Variants in CTNNA2 observed in about 807,000 individuals in gnomAD.
The protein encoded by CTNNA2 is catenin alpha-2.
Under a neutral mutation model 101.0 loss-of-function variants are expected in CTNNA2, and 42 were observed. The ratio of observed to expected loss-of-function variants is 0.42; its 90% CI spans 0.32 to 0.54. The LOEUF is 0.54. Ranked by LOEUF, CTNNA2 falls within the 20% of genes least tolerant of loss-of-function variation. The probability of loss-of-function intolerance (pLI) is 0.14; values close to 1 mark genes in which losing one functional copy is unlikely to be tolerated. For missense variants in CTNNA2, 871 were observed against 1,223.1 expected, an observed-to-expected ratio of 0.71 and a Z score of 4.29; for synonymous variants, 450 against 456.4, an observed-to-expected ratio of 0.99 and a Z score of 0.18.
At chr2:79,771,804 C>A (rs2105147563) in intron 3 of CTNNA2, among the ~76,000 whole-genome samples, 1 of 152,278 alleles carries the variant, frequency 6.6e-6, no homozygotes, top group South Asian at 2.1e-4. Context: ...GGGGGTTGGG[C>A]ACCCTTGTTC....
At chr2:79,328,590 C>CATG in intron 3 of CTNNA2, among the ~76,000 whole-genome samples, 1 of 152,102 alleles carries the variant, frequency 6.6e-6, no homozygotes, top group East Asian at 1.9e-4. Flanking sequence ...TGATGTTGAT[C>CATG]ATGATGATGA....
intron 7 of CTNNA2, among the ~76,000 whole-genome samples, chr2:80,028,973 C>T (rs1283501511): frequency 6.6e-6 from 1 of 152,160 alleles, no homozygotes; most frequent in African/African-American, 2.4e-5. Flanking sequence ...TTGTAAGCTA[C>T]CAAATTTTAG....
chr2:79,437,437 C>T (rs1004838575), intron 4 of CTNNA2, among the ~76,000 whole-genome samples: 3 of 152,122 alleles, frequency 2.0e-5, no homozygotes, highest in African/African-American at 2.4e-5. Context: ...TGCTGGCCCA[C>T]GCACCACATT....
At chr2:80,017,312 G>A (rs891394322) in intron 7 of CTNNA2, among the ~76,000 whole-genome samples, 37 of 151,994 alleles carry the variant, frequency 2.4e-4, no homozygotes, top group African/African-American at 8.7e-4. Flanking sequence ...ATGAAAGGAT[G>A]GATGAGTGTG....
intron 7 of CTNNA2, among the ~76,000 whole-genome samples, chr2:80,327,068 A>G (rs759607898): frequency 8.6e-5 from 13 of 151,926 alleles, no homozygotes; most frequent in Non-Finnish European, 1.6e-4. Context: ...TTCTCCTACC[A>G]GCTAGATCCT....
At position 80,545,029 on chromosome 2, in the gene CTNNA2, A is replaced by G; in HGVS notation, c.1338A>G (p.Lys446=). ...CSISNNEEGV[K]LVRMAATQID... ...TCTCCAACAATGAAGAAGGGGTGAA[A>G]TTAGTTCGGATGGCAGCCACCCAGA... is the stretch of plus-strand genomic sequence containing the variant. The change falls in exon 10 of 19, where the codon AAA becomes AAG. Residue 446 remains lysine, a synonymous_variant. Coordinates refer to ENST00000402739, the MANE Select transcript of CTNNA2 (RefSeq NM_001282597.3). 1 of 1,613,934 alleles carries G rather than the reference A, an allele frequency of 6.2e-7. No individual in the cohort carries two copies. Among genetic ancestry groups the G allele is most frequent in the Non-Finnish European group, 8.5e-7 (1 of 1,179,938 alleles).
At chr2:80,347,626 T>C (rs1672861873) in intron 7 of CTNNA2, among the ~76,000 whole-genome samples, 2 of 152,112 alleles carry the variant, frequency 1.3e-5, no homozygotes, top group African/African-American at 4.8e-5. Flanking sequence ...ATAATGGAAA[T>C]AAGCAACAAA....
intron 3 of CTNNA2, among the ~76,000 whole-genome samples, chr2:79,353,929 A>G (rs556573350): frequency 1.3e-4 from 19 of 151,976 alleles, no homozygotes; most frequent in Non-Finnish European, 1.8e-4. Flanking sequence ...TTCACTTATT[A>G]TGCTTAGTTT....
intron 4 of CTNNA2, among the ~76,000 whole-genome samples, 154 bp from the exon 5 acceptor site, chr2:79,869,662 C>T (rs1224164708): frequency 6.6e-6 from 1 of 152,182 alleles, no homozygotes; most frequent in African/African-American, 2.4e-5. Flanking sequence ...TCTGACTACA[C>T]ATGATTGTTA....
chr2:79,485,221 T>TAA lies in CTNNA2; in HGVS notation c.-134-19824_-134-19823dup, dbSNP rs11320348. Among the ~76,000 whole-genome samples, 1,589 of 150,388 alleles carry TAA rather than the reference T, an allele frequency of 0.011. 74 individuals are homozygous for TAA. The East Asian group carries it at 0.13, about 12-fold the overall frequency. ...GATCAAGGAATGCTTTTATACTAAG[T>TAA]AAAAAAAAAATACAATTTTTCTTTA... On this transcript the variant is annotated intron_variant, in intron 4 of 21. Coordinates refer to the CTNNA2 transcript ENST00000466387.
At chr2:79,814,483 T>G (rs1677309063) in intron 3 of CTNNA2, among the ~76,000 whole-genome samples, 1 of 152,102 alleles carries the variant, frequency 6.6e-6, no homozygotes, top group African/African-American at 2.4e-5. Flanking sequence ...ACATACAATA[T>G]TTGGTTTTCC....
At chr2:79,602,907 G>A (rs1677640189) in intron 1 of CTNNA2, among the ~76,000 whole-genome samples, 1 of 152,134 alleles carries the variant, frequency 6.6e-6, no homozygotes, top group Non-Finnish European at 1.5e-5. Context: ...AAATTCAATG[G>A]TGTTTCAGTA....
intron 7 of CTNNA2, among the ~76,000 whole-genome samples, chr2:80,329,635 G>A (rs1293883401): frequency 6.6e-6 from 1 of 152,110 alleles, no homozygotes; most frequent in Non-Finnish European, 1.5e-5. Flanking sequence ...GTCAGGACAG[G>A]GTGTGCCTCC....
chr2:80,103,569 T>C (rs1700684107), intron 7 of CTNNA2, among the ~76,000 whole-genome samples: 2 of 152,210 alleles, frequency 1.3e-5, no homozygotes, highest in Non-Finnish European at 2.9e-5. Context: ...TCTGACTGCC[T>C]GCAAGTTAGT....
intron 2 of CTNNA2, among the ~76,000 whole-genome samples, chr2:79,219,187 T>G (rs1253818845): frequency 6.6e-6 from 1 of 152,254 alleles, no homozygotes; most frequent in Non-Finnish European, 1.5e-5. Context: ...TATTTCATTA[T>G]ATCATTTATA....
At chr2:79,596,877 TA>T (rs1308764865) in intron 1 of CTNNA2, among the ~76,000 whole-genome samples, 1 of 152,124 alleles carries the variant, frequency 6.6e-6, no homozygotes, top group Non-Finnish European at 1.5e-5. Context: ...TTGCAGAAAA[TA>T]AACAAAGTGA....
chr2:79,841,867 A>G (rs1427896474), intron 3 of CTNNA2, among the ~76,000 whole-genome samples: 1 of 152,252 alleles, frequency 6.6e-6, no homozygotes, highest in Non-Finnish European at 1.5e-5. Context: ...TAGTTACAGA[A>G]CAAAAAGGAT....
chr2:79,186,016 C>T (rs766180181), intron 1 of CTNNA2, among the ~76,000 whole-genome samples: 1 of 152,126 alleles, frequency 6.6e-6, no homozygotes, highest in Admixed American at 6.6e-5. Context: ...TATGCAGCCA[C>T]CTTTTGAGCA....
At chr2:80,256,630 G>C (rs1051141124) in intron 7 of CTNNA2, among the ~76,000 whole-genome samples, 10 of 152,148 alleles carry the variant, frequency 6.6e-5, no homozygotes, top group African/African-American at 2.2e-4. Context: ...CCTAGAAAGC[G>C]GTCATCCAGC....
Sources: gnomAD v4.1 joint callset for allele counts (sites outside exome capture counted in the v4.1 genomes callset) on GRCh38, gnomAD v4.1.1 for gene constraint, MANE v1.5 for transcripts, NCBI Gene and HGNC (gene_info 2026-07-23, HGNC 2026-07-21) for gene names.